PPP2R2C: variants seen among roughly 807,000 people sequenced by gnomAD.
PPP2R2C encodes the protein protein phosphatase 2 regulatory subunit Bgamma.
PPP2R2C carries 10 observed loss-of-function variants against 45.3 expected under a neutral mutation model. The ratio of observed to expected loss-of-function variants is 0.22; its 90% confidence interval spans 0.14 to 0.37. The LOEUF is 0.37. Ranked by LOEUF, PPP2R2C falls within the 10% of genes least tolerant of loss-of-function variation. The probability of loss-of-function intolerance (pLI) is 1.00; values close to 1 mark genes in which losing one functional copy is unlikely to be tolerated. For synonymous variants in PPP2R2C, 257 were observed against 245.4 expected (o/e 1.05, Z -0.44); for missense variants, 308 against 619.7 (o/e 0.50, Z 5.34).
In PPP2R2C at chr4:6,329,891, T is replaced by G. The variant is rs1732271560; in HGVS notation, c.961-538A>C. Among the ~76,000 whole-genome samples the G allele has an allele frequency of 6.6e-6, 1 of 152,006 alleles. No homozygotes were observed. The highest frequency in any genetic ancestry group is 2.1e-4 in the South Asian group (1 of 4,816). On this transcript the variant is annotated intron_variant, in intron 7 of 8. Coordinates refer to ENST00000382599, the MANE Select transcript of PPP2R2C (RefSeq NM_020416.4). This position sits in a 1 kb window ranked among gnomAD's most constrained non-coding sequence, Gnocchi z 5.8. ...AGCCTCAGTTTCTTCAAACTTAAAG[T>G]GATAAGAGGGCGAACCTCACAGTGG...
At chr4:6,550,564 G>GC (rs372284084) in intron 1 of PPP2R2C, among the ~76,000 whole-genome samples, 272 of 152,178 alleles carry the variant, frequency 1.8e-3, no homozygotes, top group African/African-American at 6.3e-3. Context: ...GACAGACCTG[G>GC]CCCCTCCTCA....
chr4:6,454,106 C>T (rs1720885517), intron 1 of PPP2R2C, among the ~76,000 whole-genome samples: 2 of 152,144 alleles, frequency 1.3e-5, no homozygotes, highest in Non-Finnish European at 2.9e-5. Flanking sequence ...TGTGACTGTT[C>T]AGGGGGACAA....
At chr4:6,458,745 C>G (rs1371331515) in intron 1 of PPP2R2C, among the ~76,000 whole-genome samples, 2 of 152,160 alleles carry the variant, frequency 1.3e-5, no homozygotes, top group Admixed American at 6.5e-5. Context: ...AGGCATGACC[C>G]AGCAGGCATG....
chr4:6,327,502 C>CG (rs1732043603), intron 8 of PPP2R2C, among the ~76,000 whole-genome samples: 1 of 152,206 alleles, frequency 6.6e-6, no homozygotes, highest in Admixed American at 6.5e-5. Context: ...TCGCAGCCAG[C>CG]GGGGACCTAC....
chr4:6,356,299 T>C (rs1055865305), intron 5 of PPP2R2C, among the ~76,000 whole-genome samples: 13 of 152,326 alleles, frequency 8.5e-5, no homozygotes, highest in African/African-American at 2.2e-4. Flanking sequence ...TAGCTTCGCA[T>C]CTGTAGCTCA....
Position 6,376,438 on chromosome 4 carries a change from G to T in PPP2R2C, c.335-507C>A, listed in dbSNP as rs137952580. ...GACCTTTTCTGTAGAGAGGCAGGAA[G>T]AAAGTGACATGTCTTTTTTTTTTTT... On this transcript the variant is annotated intron_variant, in intron 3 of 8. Transcript: ENST00000382599. Among the ~76,000 whole-genome samples the T allele has an allele frequency of 5.9e-3, 896 of 151,108 alleles. 7 individuals carry two copies. Among genetic ancestry groups the T allele is most frequent in the African/African-American group, 0.021 (863 of 41,038 alleles).
At chr4:6,417,993 G>T (rs1354379767) in intron 1 of PPP2R2C, among the ~76,000 whole-genome samples, 1 of 152,196 alleles carries the variant, frequency 6.6e-6, no homozygotes, top group Admixed American at 6.5e-5. Flanking sequence ...AGCAGGCAGG[G>T]GCTCTGGAAG....
chr4:6,335,485 G>C (rs1304406888), intron 6 of PPP2R2C, among the ~76,000 whole-genome samples: 2 of 152,140 alleles, frequency 1.3e-5, no homozygotes, highest in Admixed American at 6.5e-5. Flanking sequence ...GGGGAACAGG[G>C]ACGCAAGGGG....
chr4:6,327,385 C>T (rs1732028947), intron 8 of PPP2R2C, among the ~76,000 whole-genome samples: 2 of 152,260 alleles, frequency 1.3e-5, no homozygotes, highest in South Asian at 2.1e-4. Flanking sequence ...GGCCTAGACA[C>T]CACTGTCAGC....
intron 1 of PPP2R2C, among the ~76,000 whole-genome samples, chr4:6,555,225 T>C (rs979996217): frequency 6.6e-6 from 1 of 152,254 alleles, no homozygotes; most frequent in African/African-American, 2.4e-5. Context: ...CTCAATACTC[T>C]GTTGGTGGGT....
At chr4:6,441,394 C>T (rs775161026) in intron 1 of PPP2R2C, among the ~76,000 whole-genome samples, 8 of 152,056 alleles carry the variant, frequency 5.3e-5, no homozygotes, top group Admixed American at 6.5e-5. Context: ...AGGAGCCACG[C>T]TCCTCAGCCC....
chr4:6,557,206 G>T (rs912708753), intron 1 of PPP2R2C, among the ~76,000 whole-genome samples: 1 of 152,206 alleles, frequency 6.6e-6, no homozygotes, highest in Non-Finnish European at 1.5e-5. Context: ...TGGTCCTGCA[G>T]CACTGACATT....
chr4:6,470,981 C>T (rs1044063102), intron 1 of PPP2R2C, among the ~76,000 whole-genome samples: 1 of 151,744 alleles, frequency 6.6e-6, no homozygotes, highest in Non-Finnish European at 1.5e-5. Context: ...GCGCTGCGCT[C>T]CCCGGGCCTC....
intron 2 of PPP2R2C, among the ~76,000 whole-genome samples, chr4:6,495,453 A>G (rs1188604945): frequency 2.0e-5 from 3 of 152,168 alleles, no homozygotes; most frequent in African/African-American, 7.2e-5. Context: ...CCTGGGGATG[A>G]GTGTGACAGC....
intron 1 of PPP2R2C, among the ~76,000 whole-genome samples, chr4:6,538,779 G>A (rs958618605): frequency 6.6e-5 from 10 of 152,334 alleles, no homozygotes; most frequent in East Asian, 5.8e-4. Context: ...CAGCAGACGC[G>A]TGGAGCTGGC....
rs71599894 is a variant in PPP2R2C at position 6,441,461 on chromosome 4, C to T, written c.70+30699G>A. The stretch of plus-strand genomic sequence containing the variant: ...TGCAGCCTCCCTGGTTCCCAGCCTG[C>T]AAGTCACAGTCTTGCCCTCCTGAGC... On this transcript the variant is annotated intron_variant, in intron 1 of 8. Transcript: ENST00000382599. 4.1e-3 allele frequency among the ~76,000 whole-genome samples: 618 copies of T among 152,254 alleles called. 1 individual carries two copies. Among genetic ancestry groups the T allele is most frequent in the Middle Eastern group, 0.027 (8 of 294 alleles).
At chr4:6,326,315 A>G (rs746602852) in intron 8 of PPP2R2C, among the ~76,000 whole-genome samples, 7 of 152,098 alleles carry the variant, frequency 4.6e-5, no homozygotes, top group Non-Finnish European at 8.8e-5. Context: ...CCGGAGAGAA[A>G]AAAACAGCCC....
intron 2 of PPP2R2C, among the ~76,000 whole-genome samples, chr4:6,509,773 C>T (rs774980020): frequency 2.0e-5 from 3 of 152,188 alleles, no homozygotes; most frequent in Non-Finnish European, 4.4e-5. Context: ...GGCTTTCACT[C>T]TCCGTGCCTT....
intron 1 of PPP2R2C, among the ~76,000 whole-genome samples, chr4:6,443,777 G>GC (rs1033827954): frequency 2.0e-4 from 27 of 133,752 alleles, no homozygotes; most frequent in South Asian, 7.7e-4. Flanking sequence ...CCACCCCACC[G>GC]CCCCCCCGGA....
Sources: allele counts gnomAD v4.1 joint callset (sites outside exome capture counted in the v4.1 genomes callset), GRCh38; gene constraint gnomAD v4.1.1; non-coding constraint Gnocchi (gnomAD v3.1); transcripts MANE v1.5; gene names NCBI Gene and HGNC (gene_info 2026-07-23, HGNC 2026-07-21).